The following TPH2 variants were observed in gnomAD, a reference collection of about 807,000 sequenced individuals.
TPH2 encodes tryptophan hydroxylase 2, also known as tryptophan 5-hydroxylase 2.
In TPH2, 27 loss-of-function variants were observed where a neutral mutation model predicts 59.1. The ratio of observed to expected loss-of-function variants is 0.46; its 90% CI spans 0.34 to 0.63. The LOEUF (loss-of-function observed/expected upper bound fraction) is 0.63. TPH2 is among the 30% of genes least tolerant of loss of function. The pLI, the probability that TPH2 is intolerant of heterozygous loss-of-function variation, is 0.01. For missense variants in TPH2, 523 were observed against 588.3 expected, an observed-to-expected ratio of 0.89 and a Z score of 1.15; for synonymous variants, 220 against 210.5, an observed-to-expected ratio of 1.05 and a Z score of -0.39.
At chr12:71,941,116 G>A (rs1592856567) in intron 1 of TPH2, among the ~76,000 whole-genome samples, 1 of 152,038 alleles carries the variant, frequency 6.6e-6, no homozygotes, top group African/African-American at 2.4e-5. Context: ...GAATGAAATC[G>A]ATATTTTGTT....
At chr12:71,979,659 C>G (rs956569869) in intron 7 of TPH2, among the ~76,000 whole-genome samples, 3 of 152,152 alleles carry the variant, frequency 2.0e-5, no homozygotes, top group Admixed American at 6.5e-5. Flanking sequence ...TATCCATTCT[C>G]TCCTGGACAA....
chr12:72,006,319 G>A (rs531020963), intron 8 of TPH2, among the ~76,000 whole-genome samples: 2 of 152,262 alleles, frequency 1.3e-5, no homozygotes, highest in African/African-American at 4.8e-5. Flanking sequence ...TTTTGCAGTA[G>A]GGGAGAGAGA....
In TPH2 at chr12:72,030,378, C is replaced by CT. The variant is rs1366281597; in HGVS notation, c.1165-878dup. ...CATTTTCATAAGCTCCTCAGTGATT[C>CT]TTATGCACATTGCATTTTTAGAACC... On this transcript the variant is annotated intron_variant, in intron 9 of 10. Transcript: ENST00000333850. Among the ~76,000 whole-genome samples, 4 of 152,204 alleles carry CT rather than the reference C, an allele frequency of 2.6e-5. No individual in the cohort carries two copies. The East Asian group carries it at 7.7e-4, about 29-fold the overall frequency.
intron 8 of TPH2, among the ~76,000 whole-genome samples, chr12:71,999,927 G>A (rs1313179711): frequency 6.6e-6 from 1 of 152,116 alleles, no homozygotes; most frequent in African/African-American, 2.4e-5. Flanking sequence ...CAGTTTTCTG[G>A]ACAGCACAAT....
intron 6 of TPH2, among the ~76,000 whole-genome samples, chr12:71,977,310 G>T (rs763214268): frequency 6.6e-5 from 10 of 151,970 alleles, no homozygotes; most frequent in Non-Finnish European, 1.0e-4. Flanking sequence ...ACCCACCTTG[G>T]CCTCCTAAAG....
At chr12:71,965,910 G>A (rs188395062) in intron 5 of TPH2, among the ~76,000 whole-genome samples, 41 of 152,248 alleles carry the variant, frequency 2.7e-4, no homozygotes, top group African/African-American at 9.6e-4. Context: ...AGAGGGTACT[G>A]CCTAGGTTTT....
chr12:72,031,470 C>T lies in TPH2; in HGVS notation c.1299-51C>T, dbSNP rs41317120. The T allele has an allele frequency of 5.2e-3, 8,395 of 1,612,600 alleles. 366 individuals are homozygous for T. The African/African-American group carries it at 0.096, about 18-fold the overall frequency. ...CTATTCCTTCCTTTTATCTATCCCTCGTACCAATGAGGGTTGATCACATCT... is the reference window on the plus strand; with the variant it reads ...CTATTCCTTCCTTTTATCTATCCCTTGTACCAATGAGGGTTGATCACATCT... On this transcript the variant is annotated intron_variant, in intron 10 of 10. Transcript: ENST00000333850.
chr12:71,997,978 T>A (rs1218504400), intron 8 of TPH2, among the ~76,000 whole-genome samples: 1 of 152,176 alleles, frequency 6.6e-6, no homozygotes, highest in Non-Finnish European at 1.5e-5. Context: ...AGAGATGGTC[T>A]TCTCTATATA....
intron 8 of TPH2, among the ~76,000 whole-genome samples, chr12:72,008,079 C>G (rs1335874702): frequency 6.6e-6 from 1 of 152,096 alleles, no homozygotes; most frequent in Admixed American, 6.6e-5. Context: ...GATAAGTGAA[C>G]AGGGACTTTA....
intron 5 of TPH2, among the ~76,000 whole-genome samples, chr12:71,953,692 G>T (rs1871415148): frequency 6.6e-6 from 1 of 152,094 alleles, no homozygotes; most frequent in Admixed American, 6.6e-5. Context: ...TTTGTCCAAG[G>T]GATAGATCAT....
chr12:71,970,265 A>G (rs1871937824), intron 5 of TPH2, among the ~76,000 whole-genome samples: 1 of 152,200 alleles, frequency 6.6e-6, no homozygotes, highest in South Asian at 2.1e-4. Context: ...ACCGGTTTTT[A>G]ACTCAAAGAG....
intron 2 of TPH2, among the ~76,000 whole-genome samples, chr12:71,942,173 G>A (rs994705500): frequency 1.3e-5 from 2 of 152,154 alleles, no homozygotes; most frequent in East Asian, 1.9e-4. Context: ...ATTCCCCTAA[G>A]TCTCATTGTT....
chr12:72,002,380 A>G (rs541037579), intron 8 of TPH2, among the ~76,000 whole-genome samples: 2 of 152,080 alleles, frequency 1.3e-5, no homozygotes, highest in Admixed American at 6.6e-5. Flanking sequence ...AGACAGCAAG[A>G]GACAGACAGA....
intron 5 of TPH2, among the ~76,000 whole-genome samples, chr12:71,955,293 C>T (rs1450027751): frequency 1.3e-5 from 2 of 152,266 alleles, no homozygotes; most frequent in East Asian, 1.9e-4. Context: ...ACTATCTCTT[C>T]GGCCTCTCCT....
intron 5 of TPH2, among the ~76,000 whole-genome samples, chr12:71,969,688 ATTT>A (rs1428942752): frequency 2.0e-5 from 3 of 152,136 alleles, no homozygotes; most frequent in Non-Finnish European, 4.4e-5. Flanking sequence ...TATAAACCTT[ATTT>A]TAGTTTGGTA....
chr12:71,940,339 TC>T (rs915983803), intron 1 of TPH2, among the ~76,000 whole-genome samples: 3 of 152,130 alleles, frequency 2.0e-5, no homozygotes, highest in Non-Finnish European at 4.4e-5. Flanking sequence ...ATAAACTTCT[TC>T]CCTCCCTCAA....
At chr12:72,018,936 G>A (rs1873335780) in intron 8 of TPH2, among the ~76,000 whole-genome samples, 1 of 152,114 alleles carries the variant, frequency 6.6e-6, no homozygotes, top group African/African-American at 2.4e-5. Context: ...GACTGCTCCT[G>A]GGTAAATCAC....
intron 5 of TPH2, among the ~76,000 whole-genome samples, chr12:71,951,112 C>T (rs1489956471): frequency 1.3e-5 from 2 of 152,192 alleles, no homozygotes; most frequent in Admixed American, 6.5e-5. Context: ...TCAGCATGCA[C>T]TTGCCCTAGC....
rs775019366 is a variant in TPH2 at position 71,941,665 on chromosome 12, A to G, written c.187A>G (p.Lys63Glu). ...ACGTGAAGCTGCTACCGAAAGTGGC[A>G]AGACAGCAGTTGTTTTCTCCTTGAA... ...SKREAATESG[K>E]TAVVFSLKNE... is the part of the protein sequence containing the mutation. Residue 63 changes from lysine (K) to glutamate (E), a missense_variant, in exon 2 of 11, where the codon AAG (lysine) becomes GAG (glutamate). Physicochemically the swap from Lys to Glu is moderately conservative, Grantham distance 56 (BLOSUM62 1). Transcript: ENST00000333850. The G allele has an allele frequency of 6.2e-7, 1 of 1,614,162 alleles. No homozygotes were observed. The highest frequency in any genetic ancestry group is 8.5e-7 in the Non-Finnish European group (1 of 1,179,992).
Sources: allele counts gnomAD v4.1 joint callset (sites outside exome capture counted in the v4.1 genomes callset), GRCh38; gene constraint gnomAD v4.1.1; transcripts MANE v1.5; gene names NCBI Gene and HGNC (gene_info 2026-07-23, HGNC 2026-07-21).